Variants in FGD6 observed in about 807,000 individuals in gnomAD.
The protein encoded by FGD6 is FYVE, RhoGEF and PH domain containing 6.
A neutral mutation model predicts 149.4 loss-of-function variants in FGD6; 90 were observed. That is an observed-to-expected ratio of 0.60 (90% CI 0.51 to 0.72). The LOEUF is 0.72. Among genes scored for constraint, FGD6 ranks in the 30% least tolerant of loss-of-function variants. The pLI is 0.00. For synonymous variants in FGD6, 527 were observed against 584.0 expected (o/e 0.90, Z 1.41); for missense variants, 1,437 against 1,684.8 (o/e 0.85, Z 2.57).
At position 95,149,228 on chromosome 12, in the gene FGD6, ATATATATTATATAATATATAG is replaced by A. The variant is rs1880189795; in HGVS notation, c.2685+3562_2685+3582del. 2.4e-4 allele frequency among the ~76,000 whole-genome samples: 5 copies of A among 20,778 alleles called. 2 individuals carry two copies. The highest frequency in any genetic ancestry group is 4.4e-3 in the South Asian group (2 of 456). The allele number at this position is 20,778 out of a possible 152,430, so 13.6% of individuals were successfully genotyped here. On this transcript the variant is annotated intron_variant, in intron 5 of 20. Transcript: ENST00000343958. ...TATTATATATTATATAATATATAGC[ATATATATTATATAATATATAG>A]CATATATATTATATATTATATTACA...
At chr12:95,164,774 CCTACT>C (rs1354154881) in intron 3 of FGD6, among the ~76,000 whole-genome samples, 1 of 152,106 alleles carries the variant, frequency 6.6e-6, no homozygotes, top group Non-Finnish European at 1.5e-5. Flanking sequence ...CCTCTTCTAT[CCTACT>C]CTAGAGTTCT....
At chr12:95,085,443 T>C (rs980314928) in intron 19 of FGD6, 1 of 262,562 alleles carries the variant, frequency 3.8e-6, no homozygotes, top group South Asian at 1.1e-4. Flanking sequence ...CCTCAGGTGA[T>C]CCACCCCCAC....
At chr12:95,155,010 T>C (rs1880425055) in intron 3 of FGD6, among the ~76,000 whole-genome samples, 2 of 152,106 alleles carry the variant, frequency 1.3e-5, no homozygotes, top group South Asian at 4.1e-4. Flanking sequence ...CTTCCAGAAT[T>C]TCAGTGTCAC....
intron 2 of FGD6, among the ~76,000 whole-genome samples, chr12:95,179,221 G>C (rs1881212652): frequency 6.6e-6 from 1 of 152,050 alleles, no homozygotes; most frequent in Non-Finnish European, 1.5e-5. Context: ...CAGAGCCGGG[G>C]TGGTGACTGA....
At chr12:95,211,791 G>T (rs1337234567) in intron 1 of FGD6, among the ~76,000 whole-genome samples, 2 of 152,090 alleles carry the variant, frequency 1.3e-5, no homozygotes, top group African/African-American at 4.8e-5. Flanking sequence ...ACCCACCTCA[G>T]CCTCCCAAAG....
intron 5 of FGD6, among the ~76,000 whole-genome samples, chr12:95,152,080 C>T (rs561010915): frequency 1.3e-5 from 2 of 152,210 alleles, no homozygotes; most frequent in African/African-American, 2.4e-5. Flanking sequence ...AATCCCAGCA[C>T]TTTAGGAGGC....
At chr12:95,174,494 G>C (rs1881074565) in intron 2 of FGD6, among the ~76,000 whole-genome samples, 1 of 152,094 alleles carries the variant, frequency 6.6e-6, no homozygotes, top group Admixed American at 6.5e-5. Flanking sequence ...CAGGATCCGT[G>C]CTGTAACAAA....
At chr12:95,134,135 T>C (rs991446408) in intron 8 of FGD6, among the ~76,000 whole-genome samples, 4 of 152,160 alleles carry the variant, frequency 2.6e-5, no homozygotes, top group African/African-American at 9.7e-5. Context: ...AATTAAAGCA[T>C]TATTCCTGTT....
chr12:95,208,724 C>T, intron 2 of FGD6, 119 bp downstream of exon 2: 3 of 1,216,064 alleles, frequency 2.5e-6, no homozygotes, highest in East Asian at 5.1e-5. Context: ...AATAATTACA[C>T]ATTTTCTAAA....
At chr12:95,101,916 T>C (rs7310753) in intron 14 of FGD6, among the ~76,000 whole-genome samples, 133,378 of 151,764 alleles carry the variant, frequency 0.88, 58,956 homozygotes, top group African/African-American at 0.97. Flanking sequence ...CTCCTGATTT[T>C]GTGATCCACC....
At chr12:95,105,235 T>A in intron 13 of FGD6, 149 bp from the exon 14 acceptor site, 1 of 678,128 alleles carries the variant, frequency 1.5e-6, no homozygotes, top group Non-Finnish European at 2.5e-6. Flanking sequence ...ATCTACTCTA[T>A]GCTTCAGATG....
At chr12:95,096,712 G>A (rs939964694) in intron 14 of FGD6, among the ~76,000 whole-genome samples, 6 of 152,122 alleles carry the variant, frequency 3.9e-5, no homozygotes, top group Non-Finnish European at 8.8e-5. Flanking sequence ...AGGAAACTGA[G>A]AATTAGTAAT....
At chr12:95,165,397 G>T (rs374193986) in intron 3 of FGD6, among the ~76,000 whole-genome samples, 3 of 151,082 alleles carry the variant, frequency 2.0e-5, no homozygotes, top group African/African-American at 7.3e-5. Flanking sequence ...GCAATGGTGC[G>T]ATCTCGGCTC....
intron 8 of FGD6, among the ~76,000 whole-genome samples, chr12:95,132,119 A>C (rs1879538247): frequency 6.6e-6 from 1 of 152,202 alleles, no homozygotes; most frequent in Admixed American, 6.6e-5. Context: ...AATAACTCCA[A>C]GCTCACATGA....
At chr12:95,213,673 C>T (rs1320004184) in intron 1 of FGD6, among the ~76,000 whole-genome samples, 1 of 152,162 alleles carries the variant, frequency 6.6e-6, no homozygotes, top group Non-Finnish European at 1.5e-5. Context: ...ACCAATTTTA[C>T]TCTTTTTAAA....
rs1009177768 is a variant in FGD6 at position 95,210,099 on chromosome 12, C to T, written c.1185G>A (p.Gln395=). Residue 395 remains glutamine, a synonymous_variant, in exon 2 of 21, where the codon CAG becomes CAA. Coordinates refer to ENST00000343958, the MANE Select transcript of FGD6 (RefSeq NM_018351.4). ...ELNMESNSDA[Q]DLVNSQKAMC... ...TGGCTTTCTGTGAATTGACTAAGTC[C>T]TGTGCATCACTGTTGGATTCCATAT... 5 of 1,614,162 alleles carry T rather than the reference C, an allele frequency of 3.1e-6. No homozygotes were observed. In the Admixed American group the frequency reaches 8.3e-5, roughly 27 times the overall value.
chr12:95,112,000 G>A (rs951416098), intron 9 of FGD6, among the ~76,000 whole-genome samples: 1 of 151,950 alleles, frequency 6.6e-6, no homozygotes, highest in South Asian at 2.1e-4. Context: ...TTGGGAGACT[G>A]AGGCAGGTGG....
At chr12:95,195,097 A>G (rs1881703608) in intron 2 of FGD6, among the ~76,000 whole-genome samples, 1 of 152,230 alleles carries the variant, frequency 6.6e-6, no homozygotes, top group Admixed American at 6.5e-5. Flanking sequence ...ACTGACTTCT[A>G]TAAAAGTAAA....
intron 2 of FGD6, among the ~76,000 whole-genome samples, chr12:95,194,707 T>C (rs1881692762): frequency 6.6e-6 from 1 of 152,160 alleles, no homozygotes; most frequent in Non-Finnish European, 1.5e-5. Context: ...TAAAATTATA[T>C]AGAATTAAAT....
Sources: gnomAD v4.1 joint callset for allele counts (sites outside exome capture counted in the v4.1 genomes callset) on GRCh38, gnomAD v4.1.1 for gene constraint, MANE v1.5 for transcripts, NCBI Gene and HGNC (gene_info 2026-07-23, HGNC 2026-07-21) for gene names.